The following CLOCK variants were observed in gnomAD, a reference collection of about 807,000 sequenced individuals.
The protein encoded by CLOCK is circadian locomoter output cycles protein kaput.
Under a neutral mutation model 118.4 loss-of-function variants are expected in CLOCK, and 43 were observed. The observed-to-expected ratio is 0.36, with a 90% CI of 0.28 to 0.47. The LOEUF (loss-of-function observed/expected upper bound fraction) is 0.47, where lower values mean the gene tolerates loss of function less well. Ranked by LOEUF, CLOCK falls within the 20% of genes least tolerant of loss-of-function variation. The pLI is 1.00. For missense variants in CLOCK, 846 were observed against 999.9 expected (o/e 0.85, Z 2.08); for synonymous variants, 326 against 339.2 (o/e 0.96, Z 0.43).
intron 1 of CLOCK, among the ~76,000 whole-genome samples, chr4:55,526,764 C>T (rs1471272088): frequency 3.3e-5 from 5 of 151,806 alleles, no homozygotes; most frequent in Non-Finnish European, 5.9e-5. Context: ...CTGGCTAACA[C>T]GGTGAAACCC....
intron 1 of CLOCK, among the ~76,000 whole-genome samples, chr4:55,516,534 T>C (rs988430421): frequency 6.6e-6 from 1 of 152,078 alleles, no homozygotes; most frequent in East Asian, 1.9e-4. Context: ...TTCTTTCGGT[T>C]AGTGTTAGCA....
At chr4:55,472,982 T>C (rs2109864978) in intron 7 of CLOCK, among the ~76,000 whole-genome samples, 1 of 152,268 alleles carries the variant, frequency 6.6e-6, no homozygotes. Flanking sequence ...TCCCAGCACT[T>C]TGGGAGGCCA....
chr4:55,546,525 G>A (rs1255015005), intron 1 of CLOCK: 2 of 121,816 alleles, frequency 1.6e-5, no homozygotes, highest in Non-Finnish European at 3.3e-5. Context: ...CCCCCACCCA[G>A]GTCTCCCGCT....
In CLOCK at chr4:55,434,308, A is replaced by G. The variant is rs533491586; in HGVS notation, c.*1107T>C. The G allele has an allele frequency of 6.5e-5, 10 of 152,790 alleles. No homozygotes were observed. The South Asian group carries it at 2.1e-3, about 32-fold the overall frequency. 9.5% of individuals were successfully genotyped at this position (152,790 alleles called of 1,614,324 possible). A position where few individuals can be genotyped will look rare whatever the true frequency, so the allele number is the denominator to read the frequency against. On this transcript the variant is annotated 3_prime_UTR_variant, in exon 23 of 23. Coordinates refer to ENST00000513440, the MANE Select transcript of CLOCK (RefSeq NM_004898.4). ...ATAAAAAAGATTTCAACAAATCCCA[A>G]AAGTTAAAATTCCCATGATTGAGAA...
chr4:55,500,667 T>C (rs558732414), intron 2 of CLOCK, among the ~76,000 whole-genome samples: 24 of 152,216 alleles, frequency 1.6e-4, no homozygotes, highest in Middle Eastern at 3.4e-3. Flanking sequence ...GGTTTTAAGT[T>C]CTAATCAGAG....
At chr4:55,508,028 C>T (rs1036950791) in intron 2 of CLOCK, among the ~76,000 whole-genome samples, 1 of 152,140 alleles carries the variant, frequency 6.6e-6, no homozygotes, top group African/African-American at 2.4e-5. Context: ...TAAGTGTTCT[C>T]AAGGGACAAA....
chr4:55,488,818 G>A (rs963108269), intron 3 of CLOCK, among the ~76,000 whole-genome samples: 3 of 152,002 alleles, frequency 2.0e-5, no homozygotes, highest in East Asian at 1.9e-4. Flanking sequence ...TCACTGTAGC[G>A]TCAACCTCCT....
intron 1 of CLOCK, among the ~76,000 whole-genome samples, chr4:55,539,051 G>A (rs1275891765): frequency 6.6e-6 from 1 of 151,414 alleles, no homozygotes; most frequent in Non-Finnish European, 1.5e-5. Context: ...TGGCCAACAT[G>A]GCAAAATCCT....
intron 1 of CLOCK, among the ~76,000 whole-genome samples, chr4:55,535,126 C>T (rs1730806217): frequency 6.6e-6 from 1 of 151,548 alleles, no homozygotes; most frequent in Admixed American, 6.6e-5. Context: ...GAGCCAAAGG[C>T]CTCGCTATAT....
At chr4:55,443,338 G>A (rs901035718) in intron 20 of CLOCK, among the ~76,000 whole-genome samples, 6 of 151,966 alleles carry the variant, frequency 3.9e-5, no homozygotes, top group Non-Finnish European at 5.9e-5. Context: ...AGCCTGGCAT[G>A]GTGGTGGGTG....
At chr4:55,466,716 T>G (rs1049149890) in intron 8 of CLOCK, among the ~76,000 whole-genome samples, 1 of 152,188 alleles carries the variant, frequency 6.6e-6, no homozygotes, top group African/African-American at 2.4e-5. Context: ...CCTGCCACTT[T>G]AATAGGTGTC....
chr4:55,450,168 A>T lies in CLOCK; in HGVS notation c.1271T>A (p.Phe424Tyr), dbSNP rs748926271. The change falls in exon 16 of 23, where the codon TTT becomes TAT. Residue 424 changes from phenylalanine (F) to tyrosine (Y), a missense_variant. Phe to Tyr is a conservative substitution (Grantham distance 22). Transcript: ENST00000513440. ...TVSLKEALER[F>Y]DHSPTPSASS... ...GGCAGAAGGGGTTGGGCTGTGATCA[A>T]ACCTTTCCAATGCTTCCTTGAGACT... is the stretch of plus-strand genomic sequence containing the variant. 6.2e-7 allele frequency: 1 copy of T among 1,614,054 alleles called. No homozygotes were observed. Among genetic ancestry groups the T allele is most frequent in the Admixed American group, 1.7e-5 (1 of 60,008 alleles).
At chr4:55,525,920 G>A (rs180712340) in intron 1 of CLOCK, among the ~76,000 whole-genome samples, 71 of 150,842 alleles carry the variant, frequency 4.7e-4, no homozygotes, top group African/African-American at 1.6e-3. Flanking sequence ...TATGCCAAGG[G>A]TTAATACGAA....
chr4:55,492,601 T>C (rs973193593), intron 2 of CLOCK, among the ~76,000 whole-genome samples: 4 of 152,114 alleles, frequency 2.6e-5, no homozygotes, highest in African/African-American at 9.7e-5. Context: ...TCCTAGCACT[T>C]TGGGAGGCTA....
At chr4:55,517,790 T>C (rs1338928902) in intron 1 of CLOCK, among the ~76,000 whole-genome samples, 1 of 152,110 alleles carries the variant, frequency 6.6e-6, no homozygotes, top group Non-Finnish European at 1.5e-5. Flanking sequence ...GGTTATGGGA[T>C]AGTAGTAGTA....
chr4:55,472,672 G>C (rs1015730909), intron 7 of CLOCK, among the ~76,000 whole-genome samples: 1 of 152,030 alleles, frequency 6.6e-6, no homozygotes. Flanking sequence ...CTGGGAGTTA[G>C]AGTAACCTTT....
chr4:55,448,768 C>A lies in CLOCK; in HGVS notation c.1539+11G>T, dbSNP rs755471953. ...TTCAAATACGCAACTGAAACAAAAA[C>A]CAAAAAGTACCTGGGACATGCCTTG... is the stretch of plus-strand genomic sequence containing the variant. On this transcript the variant is annotated intron_variant, in intron 18 of 22. Transcript: ENST00000513440. 1.9e-6 allele frequency: 3 copies of A among 1,611,108 alleles called. No individual in the cohort carries two copies. Among genetic ancestry groups the A allele is most frequent in the Non-Finnish European group, 2.5e-6 (3 of 1,177,832 alleles).
chr4:55,530,674 T>C (rs536908813), intron 1 of CLOCK, among the ~76,000 whole-genome samples: 70 of 143,340 alleles, frequency 4.9e-4, no homozygotes, highest in East Asian at 1.0e-3. Flanking sequence ...ACTGCGGAGG[T>C]TGAAGCAGAA....
At chr4:55,506,572 T>C (rs1728807637) in intron 2 of CLOCK, among the ~76,000 whole-genome samples, 1 of 152,092 alleles carries the variant, frequency 6.6e-6, no homozygotes, top group Admixed American at 6.5e-5. Flanking sequence ...TTTTATATTT[T>C]ATTTTTTTTA....
Sources: allele counts gnomAD v4.1 joint callset (sites outside exome capture counted in the v4.1 genomes callset), GRCh38; gene constraint gnomAD v4.1.1; transcripts MANE v1.5; gene names NCBI Gene and HGNC (gene_info 2026-07-23, HGNC 2026-07-21).